MAPKBP1: variants seen among roughly 807,000 people sequenced by gnomAD.
MAPKBP1 encodes mitogen-activated protein kinase-binding protein 1.
Under a neutral mutation model 170.5 loss-of-function variants are expected in MAPKBP1, and 71 were observed. That is an observed-to-expected ratio of 0.42 (90% CI 0.34 to 0.51). The LOEUF is 0.51. Among genes scored for constraint, MAPKBP1 ranks in the 20% least tolerant of loss-of-function variants. The pLI, the probability that MAPKBP1 is intolerant of heterozygous loss-of-function variation, is 0.06. For synonymous variants in MAPKBP1, 719 were observed against 757.9 expected, an observed-to-expected ratio of 0.95 and a Z score of 0.84; for missense variants, 1,598 against 1,933.0, an observed-to-expected ratio of 0.83 and a Z score of 3.25.
chr15:41,783,795 A>G (rs148452399), intron 2 of MAPKBP1, among the ~76,000 whole-genome samples: 339 of 152,104 alleles, frequency 2.2e-3, no homozygotes, highest in African/African-American at 8.0e-3. Flanking sequence ...GGATCACGAG[A>G]TCAGGAGATC....
In MAPKBP1 at chr15:41,818,102, G is replaced by T. The variant is rs760881873; in HGVS notation, c.1980+18G>T. 1.9e-6 allele frequency: 3 copies of T among 1,613,644 alleles called. No individual in the cohort carries two copies. Among genetic ancestry groups the T allele is most frequent in the Non-Finnish European group, 1.7e-6 (2 of 1,179,520 alleles). ...TCATTAAGGTAAGGACCCAGAGGGG[G>T]TACTGGACAGGGGCTCGGGGACAGA... On this transcript the variant is annotated intron_variant, in intron 17 of 30. Transcript: ENST00000457542. This position sits in a 1 kb window ranked among gnomAD's most constrained non-coding sequence, Gnocchi z 5.2.
At chr15:41,782,846 C>G (rs1191247860) in intron 2 of MAPKBP1, among the ~76,000 whole-genome samples, 11 of 152,178 alleles carry the variant, frequency 7.2e-5, no homozygotes, top group Admixed American at 7.2e-4. Flanking sequence ...CCCAACATTC[C>G]TTATAAAAGT....
At chr15:41,819,550 G>GGGGGA in intron 21 of MAPKBP1, 45 bp from the exon 22 acceptor site, 2 of 1,518,506 alleles carry the variant, frequency 1.3e-6, no homozygotes, top group Non-Finnish European at 9.0e-7. Context: ...TGGGTGGCGG[G>GGGGGA]GGGGGGGCAG....
In MAPKBP1 at chr15:41,812,672, G is replaced by C. The variant is rs899741823; in HGVS notation, c.636+19G>C. On this transcript the variant is annotated intron_variant, in intron 7 of 30. Coordinates refer to ENST00000457542, the MANE Select transcript of MAPKBP1 (RefSeq NM_014994.3). ...CTCAAAGGTGAGGTGCTGAAGCTGG[G>C]AGTAGCCACCAAGGCCCCTGGCAGG... 3 of 1,574,090 alleles carry C rather than the reference G, an allele frequency of 1.9e-6. No homozygotes were observed. In the African/African-American group the frequency reaches 4.1e-5, roughly 21 times the overall value.
intron 2 of MAPKBP1, among the ~76,000 whole-genome samples, chr15:41,778,591 C>T (rs1411765370): frequency 1.3e-5 from 2 of 152,212 alleles, no homozygotes; most frequent in African/African-American, 4.8e-5. Flanking sequence ...GCTAAATCAG[C>T]TTAGTCTTGG....
At chr15:41,788,207 C>T (rs1048947922) in intron 2 of MAPKBP1, among the ~76,000 whole-genome samples, 5 of 152,188 alleles carry the variant, frequency 3.3e-5, no homozygotes, top group East Asian at 1.9e-4. Context: ...GCACCCGCCT[C>T]GGCCTCCCAG....
intron 3 of MAPKBP1, among the ~76,000 whole-genome samples, chr15:41,801,306 G>A (rs917681986): frequency 1.3e-5 from 2 of 152,100 alleles, no homozygotes; most frequent in Non-Finnish European, 2.9e-5. Context: ...CTACAAGTGG[G>A]AAACCTCCAA....
intron 2 of MAPKBP1, among the ~76,000 whole-genome samples, chr15:41,790,241 T>G (rs58831502): frequency 9.7e-4 from 147 of 152,316 alleles, no homozygotes; most frequent in African/African-American, 3.5e-3. Flanking sequence ...GAGGCTAAAA[T>G]TGGGAAATAG....
chr15:41,798,275 A>G (rs967966476), intron 2 of MAPKBP1, among the ~76,000 whole-genome samples: 1 of 149,258 alleles, frequency 6.7e-6, no homozygotes, highest in African/African-American at 2.5e-5. Context: ...AAAAAAATCT[A>G]AACAGGTTCT....
At position 41,786,777 on chromosome 15, in the gene MAPKBP1, A is replaced by AAAAAAAAATATATAT; in HGVS notation, c.114+11389_114+11390insAAAAAAATATATATA. Among the ~76,000 whole-genome samples, 20 of 32,442 alleles carry AAAAAAAAATATATAT rather than the reference A, an allele frequency of 6.2e-4. 1 individual carries two copies. The highest frequency in any genetic ancestry group is 4.0e-3 in the South Asian group (4 of 998). The allele number at this position is 32,442 out of a possible 152,430, so 21.3% of individuals were successfully genotyped here. On this transcript the variant is annotated intron_variant, in intron 2 of 30. Transcript: ENST00000457542. Reference sequence around the variant, plus strand: ...CAGACTCCGTCTAAAAAAAAAAAAAAATATATATATATATATATATATATA... The same window carrying AAAAAAAAATATATAT: ...CAGACTCCGTCTAAAAAAAAAAAAAAAAAAAAAATATATATATATATATATATATATATATATATA...
Position 41,825,582 on chromosome 15 carries a change from C to T in MAPKBP1, c.*146C>T, listed in dbSNP as rs1319035427. 26 of 622,886 alleles carry T rather than the reference C, an allele frequency of 4.2e-5. No individual in the cohort carries two copies. Among genetic ancestry groups the T allele is most frequent in the Non-Finnish European group, 5.4e-5 (20 of 369,594 alleles). The allele number at this position is 622,886 out of a possible 1,614,324, so 38.6% of individuals were successfully genotyped here. On this transcript the variant is annotated 3_prime_UTR_variant, in exon 31 of 31. Coordinates refer to ENST00000457542, the MANE Select transcript of MAPKBP1 (RefSeq NM_014994.3). The stretch of plus-strand genomic sequence containing the variant: ...CAAAGCAGCCTTCCCAGCCGCTCCT[C>T]GTGGGGGGCCTGTATTTATTAATTT...
chr15:41,825,590 G>T lies in MAPKBP1; in HGVS notation c.*154G>T. On this transcript the variant is annotated 3_prime_UTR_variant, in exon 31 of 31. Coordinates refer to ENST00000457542, the MANE Select transcript of MAPKBP1 (RefSeq NM_014994.3). ...CCTTCCCAGCCGCTCCTCGTGGGGG[G>T]CCTGTATTTATTAATTTATTTCCCT... is the stretch of plus-strand genomic sequence containing the variant. The T allele has an allele frequency of 1.7e-6, 1 of 598,914 alleles. No individual in the cohort carries two copies. Among genetic ancestry groups the T allele is most frequent in the Middle Eastern group, 4.5e-4 (1 of 2,232 alleles). 37.1% of individuals were successfully genotyped at this position (598,914 alleles called of 1,614,324 possible).
Position 41,817,677 on chromosome 15 carries a change from A to G in MAPKBP1, c.1846A>G (p.Met616Val). 1 of 1,614,170 alleles carries G rather than the reference A, an allele frequency of 6.2e-7. No individual in the cohort carries two copies. Among genetic ancestry groups the G allele is most frequent in the Non-Finnish European group, 8.5e-7 (1 of 1,180,012 alleles). The change falls in exon 16 of 31, where the codon ATG becomes GTG. Residue 616 changes from methionine (M) to valine (V), a missense_variant. This residue lies in a region of MAPKBP1 where 430 missense variants were observed against 617.2 expected (regional missense o/e 0.70). Coordinates refer to ENST00000457542, the MANE Select transcript of MAPKBP1 (RefSeq NM_014994.3). This position sits in a 1 kb window ranked among gnomAD's most constrained non-coding sequence, Gnocchi z 4.2. Reference sequence around the variant, plus strand: ...GGTGCGGAAGACGACCCTCTATGACATGGATGTGGAGCCCAGCTGGAAGTA... The same window carrying G: ...GGTGCGGAAGACGACCCTCTATGACGTGGATGTGGAGCCCAGCTGGAAGTA... ...HVVRKTTLYD[M>V]DVEPSWKYTA...
intron 10 of MAPKBP1, among the ~76,000 whole-genome samples, chr15:41,814,960 T>C (rs1567150352): frequency 1.3e-5 from 2 of 152,188 alleles, no homozygotes; most frequent in South Asian, 4.1e-4. Flanking sequence ...GGACAAGTTA[T>C]TGAATTTGAC....
intron 2 of MAPKBP1, among the ~76,000 whole-genome samples, chr15:41,779,029 T>C (rs1019127434): frequency 1.3e-5 from 2 of 152,192 alleles, no homozygotes; most frequent in Admixed American, 1.3e-4. Flanking sequence ...CTAATTCTTC[T>C]TTCTCTATTT....
chr15:41,823,384 G>A, intron 28 of MAPKBP1, 63 bp from the exon 29 acceptor site: 1 of 1,562,140 alleles, frequency 6.4e-7, no homozygotes, highest in Non-Finnish European at 8.7e-7. Flanking sequence ...TCGGGATTGG[G>A]TGTTGGCACC....
intron 2 of MAPKBP1, among the ~76,000 whole-genome samples, chr15:41,784,458 TA>T (rs1276163943): frequency 2.6e-5 from 4 of 151,782 alleles, no homozygotes; most frequent in African/African-American, 9.7e-5. Context: ...CTGGGCAACA[TA>T]GCAAGATCCC....
Position 41,818,415 on chromosome 15 carries a change from C to T in MAPKBP1, c.2093-104C>T. ...TAGTTTCTTGGGACCCGCAGAGCTA[C>T]CTATCCCTACCCTGCAGCCAACCCC... On this transcript the variant is annotated intron_variant, in intron 18 of 30. Transcript: ENST00000457542. The surrounding 1 kb of genome is among the most constrained non-coding windows in gnomAD (Gnocchi z 5.2). The T allele has an allele frequency of 2.1e-6, 3 of 1,402,620 alleles. No individual in the cohort carries two copies. The highest frequency in any genetic ancestry group is 3.0e-6 in the Non-Finnish European group (3 of 998,358). The allele number at this position is 1,402,620 out of a possible 1,614,324, so 86.9% of individuals were successfully genotyped here.
chr15:41,794,300 T>TG (rs2064447523), intron 2 of MAPKBP1, among the ~76,000 whole-genome samples: 1 of 152,116 alleles, frequency 6.6e-6, no homozygotes, highest in Non-Finnish European at 1.5e-5. Context: ...GCCAGATCAG[T>TG]GAGTGTCAAC....
Sources: gnomAD v4.1 joint callset for allele counts (sites outside exome capture counted in the v4.1 genomes callset) on GRCh38, gnomAD v4.1.1 for gene constraint, gnomAD v4.1.1 regional missense constraint, Gnocchi (gnomAD v3.1) non-coding constraint, MANE v1.5 for transcripts, NCBI Gene and HGNC (gene_info 2026-07-23, HGNC 2026-07-21) for gene names.